Variants in EIF2B3 observed in about 807,000 individuals in gnomAD.
The protein encoded by EIF2B3 is translation initiation factor eIF2B subunit gamma.
A neutral mutation model predicts 54.1 loss-of-function variants in EIF2B3; 20 were observed. That is an observed-to-expected ratio of 0.37 (90% confidence interval 0.26 to 0.54). The LOEUF is 0.54. Ranked by LOEUF, EIF2B3 falls within the 20% of genes least tolerant of loss-of-function variation. The pLI is 0.86. For synonymous variants in EIF2B3, 153 were observed against 188.1 expected (o/e 0.81, Z 1.52); for missense variants, 448 against 547.8 (o/e 0.82, Z 1.82).
chr1:44,865,092 G>A (rs1207038915), intron 10 of EIF2B3, among the ~76,000 whole-genome samples: 7 of 152,040 alleles, frequency 4.6e-5, no homozygotes, highest in African/African-American at 1.4e-4. Flanking sequence ...GGTGGCGCAC[G>A]CCTATAATCC....
chr1:44,861,868 C>CCT (rs1416057781), intron 10 of EIF2B3, among the ~76,000 whole-genome samples: 1 of 152,148 alleles, frequency 6.6e-6, no homozygotes, highest in African/African-American at 2.4e-5. Context: ...CCATTTGTAT[C>CCT]CTCAATTGTT....
intron 9 of EIF2B3, among the ~76,000 whole-genome samples, chr1:44,875,299 G>A (rs888652771): frequency 2.0e-5 from 3 of 152,178 alleles, no homozygotes; most frequent in Non-Finnish European, 4.4e-5. Context: ...ACCTGGATTG[G>A]TTACAGATCC....
intron 3 of EIF2B3, among the ~76,000 whole-genome samples, chr1:44,942,216 G>C (rs1028922362): frequency 1.3e-5 from 2 of 150,376 alleles, no homozygotes; most frequent in African/African-American, 4.9e-5. Flanking sequence ...TGACAGAAAG[G>C]CATTGTTATT....
At chr1:44,882,030 A>G (rs1198136967) in intron 6 of EIF2B3, among the ~76,000 whole-genome samples, 1 of 152,228 alleles carries the variant, frequency 6.6e-6, no homozygotes, top group African/African-American at 2.4e-5. Flanking sequence ...TATACTTAGC[A>G]ATGGAAAGCA....
chr1:44,978,173 G>T, intron 3 of EIF2B3, 142 bp downstream of exon 3: 1 of 907,700 alleles, frequency 1.1e-6, no homozygotes, highest in Non-Finnish European at 1.7e-6. Flanking sequence ...GGAGGTTGCA[G>T]TGAATTGAGA....
chr1:44,857,596 G>T, intron 11 of EIF2B3, 108 bp downstream of exon 11: 1 of 1,007,750 alleles, frequency 9.9e-7, no homozygotes, highest in Non-Finnish European at 1.6e-6. Context: ...TTATGTTCTC[G>T]CCCGCAGTGT....
In EIF2B3 at chr1:44,922,579, T is replaced by A. The variant is rs188815077; in HGVS notation, c.566+4049A>T. Among the ~76,000 whole-genome samples the A allele has an allele frequency of 3.3e-4, 43 of 128,630 alleles. No individual in the cohort carries two copies. In the East Asian group the frequency reaches 9.5e-3, roughly 29 times the overall value. 84.4% of individuals were successfully genotyped at this position (128,630 alleles called of 152,430 possible). ...TCTAGCCTGGGATATAGAGCGAGAC[T>A]CTGTCTCAAGACAAAAAAAAAAAAA... On this transcript the variant is annotated intron_variant, in intron 5 of 11. Coordinates refer to ENST00000360403, the MANE Select transcript of EIF2B3 (RefSeq NM_020365.5).
chr1:44,938,020 T>G (rs1643974326), intron 4 of EIF2B3, among the ~76,000 whole-genome samples: 1 of 147,376 alleles, frequency 6.8e-6, no homozygotes, highest in Non-Finnish European at 1.5e-5. Flanking sequence ...GAGAAGAAAG[T>G]GCAAGGGGAA....
At chr1:44,986,367 G>A (rs376492072) in intron 1 of EIF2B3, 126 bp downstream of exon 1, 1 of 152,158 alleles carries the variant, frequency 6.6e-6, no homozygotes, top group African/African-American at 2.4e-5. Flanking sequence ...CAGCTACACC[G>A]GGTCGAGCAG....
intron 6 of EIF2B3, among the ~76,000 whole-genome samples, chr1:44,888,004 T>A (rs263961): frequency 0.25 from 38,269 of 152,076 alleles, 5,981 homozygotes; most frequent in African/African-American, 0.45. Context: ...AAAGAAACAG[T>A]CTGCAGCACC....
intron 3 of EIF2B3, among the ~76,000 whole-genome samples, chr1:44,974,365 TG>T (rs1487488393): frequency 1.3e-5 from 2 of 150,952 alleles, no homozygotes; most frequent in Non-Finnish European, 2.9e-5. Flanking sequence ...CTCAGCTACT[TG>T]GGAGGCTTAG....
intron 3 of EIF2B3, among the ~76,000 whole-genome samples, chr1:44,951,587 T>G (rs1454494335): frequency 6.6e-6 from 1 of 152,174 alleles, no homozygotes; most frequent in Non-Finnish European, 1.5e-5. Flanking sequence ...CTGCCTACTT[T>G]GCATATGAAC....
intron 3 of EIF2B3, among the ~76,000 whole-genome samples, chr1:44,963,723 T>C (rs1644308860): frequency 6.6e-6 from 1 of 152,244 alleles, no homozygotes; most frequent in Non-Finnish European, 1.5e-5. Flanking sequence ...GCTGTAATGT[T>C]ACTTCATGAT....
At chr1:44,932,601 TGAA>T (rs1356755750) in intron 4 of EIF2B3, among the ~76,000 whole-genome samples, 1 of 152,178 alleles carries the variant, frequency 6.6e-6, no homozygotes, top group Non-Finnish European at 1.5e-5. Context: ...TGTTCTCACT[TGAA>T]GAACTTCGGA....
At chr1:44,986,372 G>C (rs929412507) in intron 1 of EIF2B3, 121 bp downstream of exon 1, 2 of 152,176 alleles carry the variant, frequency 1.3e-5, no homozygotes, top group African/African-American at 4.8e-5. Flanking sequence ...ACACCGGGTC[G>C]AGCAGGGAGT....
At chr1:44,902,634 C>A (rs1173300523) in intron 5 of EIF2B3, among the ~76,000 whole-genome samples, 2 of 151,796 alleles carry the variant, frequency 1.3e-5, no homozygotes, top group Admixed American at 1.3e-4. Flanking sequence ...CCAGCCTGGG[C>A]AATATAAGGA....
At chr1:44,907,283 G>T (rs968688373) in intron 5 of EIF2B3, among the ~76,000 whole-genome samples, 3 of 152,202 alleles carry the variant, frequency 2.0e-5, no homozygotes, top group Non-Finnish European at 2.9e-5. Context: ...GTAGTGGCTG[G>T]GCGCGGTGGC....
chr1:44,986,031 G>C (rs1644570928), intron 1 of EIF2B3, among the ~76,000 whole-genome samples: 1 of 152,202 alleles, frequency 6.6e-6, no homozygotes, highest in South Asian at 2.1e-4. Flanking sequence ...GAGGCTGAAA[G>C]AGTGCAGGCA....
chr1:44,964,881 G>A (rs933390081), intron 3 of EIF2B3, among the ~76,000 whole-genome samples: 1 of 152,304 alleles, frequency 6.6e-6, no homozygotes, highest in South Asian at 2.1e-4. Context: ...GATTTAGTCT[G>A]CTTGAAGCCT....
Sources: gnomAD v4.1 joint callset for allele counts (sites outside exome capture counted in the v4.1 genomes callset) on GRCh38, gnomAD v4.1.1 for gene constraint, MANE v1.5 for transcripts, NCBI Gene and HGNC (gene_info 2026-07-23, HGNC 2026-07-21) for gene names.